NEK5: variants seen among roughly 807,000 people sequenced by gnomAD.
The protein encoded by NEK5 is NIMA related kinase 5.
A neutral mutation model predicts 109.2 loss-of-function variants in NEK5; 88 were observed. The ratio of observed to expected loss-of-function variants is 0.81; its 90% CI spans 0.68 to 0.96. The LOEUF (loss-of-function observed/expected upper bound fraction) is 0.96. Ranked by LOEUF, NEK5 falls within the 40% of genes least tolerant of loss-of-function variation. The pLI is 0.00. For synonymous variants in NEK5, 283 were observed against 299.9 expected (o/e 0.94, Z 0.58); for missense variants, 834 against 920.7 (o/e 0.91, Z 1.22).
intron 22 of NEK5, among the ~76,000 whole-genome samples, chr13:52,050,568 T>C (rs1487033014): frequency 1.3e-5 from 2 of 150,640 alleles, no homozygotes; most frequent in East Asian, 1.9e-4. Context: ...GACTTCATCA[T>C]GAATGCCTGT....
At chr13:52,099,142 AT>A (rs1312707131) in intron 12 of NEK5, among the ~76,000 whole-genome samples, 1 of 152,190 alleles carries the variant, frequency 6.6e-6, no homozygotes, top group East Asian at 1.9e-4. Context: ...CTTATTTCAC[AT>A]TGCTTGCCTG....
chr13:52,116,786 T>C (rs1955866690), intron 4 of NEK5, among the ~76,000 whole-genome samples: 1 of 152,230 alleles, frequency 6.6e-6, no homozygotes, highest in African/African-American at 2.4e-5. Flanking sequence ...ACCTAGAACA[T>C]GCCTGGCATA....
At chr13:52,104,126 AT>A (rs1459727299) in intron 9 of NEK5, among the ~76,000 whole-genome samples, 3 of 151,862 alleles carry the variant, frequency 2.0e-5, no homozygotes, top group Non-Finnish European at 1.5e-5. Flanking sequence ...TGCCTGGCTA[AT>A]TTTTGTATTT....
At chr13:52,107,588 A>G (rs1955678715) in intron 8 of NEK5, among the ~76,000 whole-genome samples, 1 of 151,394 alleles carries the variant, frequency 6.6e-6, no homozygotes, top group Non-Finnish European at 1.5e-5. Context: ...GCAAGACTCT[A>G]TCTCAAAAAA....
chr13:52,100,829 CAAT>C (rs373188992), intron 11 of NEK5, among the ~76,000 whole-genome samples: 14 of 152,294 alleles, frequency 9.2e-5, no homozygotes, highest in Non-Finnish European at 1.5e-4. Context: ...TGGTATACAA[CAAT>C]GTTAGTCAAA....
chr13:52,052,757 A>G (rs921394382), intron 22 of NEK5, among the ~76,000 whole-genome samples: 3 of 152,196 alleles, frequency 2.0e-5, no homozygotes, highest in Admixed American at 1.3e-4. Flanking sequence ...AATTTTTAAG[A>G]TGGGAAAGGC....
chr13:52,108,601 C>T (rs1955699018), intron 7 of NEK5, among the ~76,000 whole-genome samples, 197 bp from the exon 8 acceptor site: 2 of 151,982 alleles, frequency 1.3e-5, no homozygotes, highest in South Asian at 4.2e-4. Context: ...AATTCACCTC[C>T]CAAAAATTTA....
chr13:52,080,572 C>T (rs558697825), intron 17 of NEK5, among the ~76,000 whole-genome samples: 129 of 152,250 alleles, frequency 8.5e-4, no homozygotes, highest in Non-Finnish European at 1.6e-3. Context: ...CCTTGTGATC[C>T]TGTTGATCTG....
chr13:52,063,329 C>T (rs1185799633), intron 21 of NEK5, among the ~76,000 whole-genome samples: 1 of 152,246 alleles, frequency 6.6e-6, no homozygotes, highest in Non-Finnish European at 1.5e-5. Context: ...CCAGCCTCGG[C>T]CTCCCGAGGT....
intron 17 of NEK5, among the ~76,000 whole-genome samples, chr13:52,082,819 C>A (rs1463567804): frequency 1.3e-5 from 2 of 152,174 alleles, no homozygotes; most frequent in African/African-American, 4.8e-5. Flanking sequence ...GGGCCTCATC[C>A]CAGACCATCT....
chr13:52,079,894 G>A (rs953855720), intron 17 of NEK5, among the ~76,000 whole-genome samples: 6 of 151,360 alleles, frequency 4.0e-5, no homozygotes, highest in Admixed American at 3.3e-4. Flanking sequence ...GAGATGTGGG[G>A]AGCGCCTTTG....
At chr13:52,054,112 G>T (rs1386300483) in intron 22 of NEK5, among the ~76,000 whole-genome samples, 1 of 152,100 alleles carries the variant, frequency 6.6e-6, no homozygotes, top group African/African-American at 2.4e-5. Context: ...TAGTTTTTTG[G>T]TTTAATGAAA....
chr13:52,093,609 T>C (rs1955343999), intron 12 of NEK5, among the ~76,000 whole-genome samples: 1 of 152,036 alleles, frequency 6.6e-6, no homozygotes, highest in Non-Finnish European at 1.5e-5. Flanking sequence ...AATATAACAG[T>C]GACCATAGCT....
rs770949953 is a variant in NEK5, at chr13:52,104,525, T to C, written c.582A>G (p.Leu194=). The C allele has an allele frequency of 3.7e-6, 6 of 1,607,380 alleles. No homozygotes were observed. Among genetic ancestry groups the C allele is most frequent in the East Asian group, 2.2e-5 (1 of 44,758 alleles). The part of the protein sequence containing the change: ...KTDIWSLGCV[L]YELCTLKHPF... ...GATGTTTAAGTGTGCAGAGCTCATA[T>C]AAGACACAGCCAAGAGACCAAATAT... Residue 194 remains leucine, a synonymous_variant, in exon 9 of 24, where the codon TTA becomes TTG. Coordinates refer to ENST00000684899, the MANE Select transcript of NEK5 (RefSeq NM_001365552.1).
intron 23 of NEK5, among the ~76,000 whole-genome samples, 168 bp from the exon 24 acceptor site, chr13:52,037,386 T>C (rs1259709595): frequency 1.3e-5 from 2 of 152,182 alleles, no homozygotes; most frequent in Non-Finnish European, 2.9e-5. Context: ...GAATCAGTCT[T>C]CTGTTGAGTT....
chr13:52,063,271 C>T (rs1019850926), intron 21 of NEK5, among the ~76,000 whole-genome samples: 1 of 152,216 alleles, frequency 6.6e-6, no homozygotes, highest in Non-Finnish European at 1.5e-5. Flanking sequence ...GACGGGGTTT[C>T]GCTGTGTTGG....
Position 52,072,083 on chromosome 13 carries a change from C to T in NEK5, c.1723-13G>A, listed in dbSNP as rs779992581. The T allele has an allele frequency of 2.5e-6, 4 of 1,598,218 alleles. No individual in the cohort carries two copies. In the South Asian group the frequency reaches 3.4e-5, roughly 13 times the overall value. On this transcript the variant is annotated splice_polypyrimidine_tract_variant and intron_variant, in intron 19 of 23. Transcript: ENST00000684899. ...GTATATCCATTGCCTAAATCAATTC[C>T]ACAGTGTTTCATGATAAATTAGCCA... is the stretch of plus-strand genomic sequence containing the variant.
At chr13:52,099,995 C>T in intron 11 of NEK5, 119 bp from the exon 12 acceptor site, 1 of 741,482 alleles carries the variant, frequency 1.3e-6, no homozygotes, top group South Asian at 2.4e-5. Flanking sequence ...TACTTTTTAG[C>T]CAGAGATATT....
rs1342761523 is a variant in NEK5 at position 52,102,112 on chromosome 13, G to C, written c.790C>G (p.Pro264Ala). Residue 264 changes from proline (P) to alanine (A), a missense_variant, in exon 10 of 24, where the codon CCC becomes GCC. Pro to Ala is a conservative substitution (Grantham distance 27, BLOSUM62 -1). Coordinates refer to ENST00000684899, the MANE Select transcript of NEK5 (RefSeq NM_001365552.1). ...LKRPFLENLI[P>A]KYLTPEVIQE... ...CTTACCTCAGGAGTCAAATATTTGG[G>C]AATAAGATTCTCTAAAAAGGGCCTT... 6 of 1,613,780 alleles carry C rather than the reference G, an allele frequency of 3.7e-6. No homozygotes were observed. Among genetic ancestry groups the C allele is most frequent in the Non-Finnish European group, 5.1e-6 (6 of 1,179,868 alleles).
Sources: gnomAD v4.1 joint callset for allele counts (sites outside exome capture counted in the v4.1 genomes callset) on GRCh38, gnomAD v4.1.1 for gene constraint, MANE v1.5 for transcripts, NCBI Gene and HGNC (gene_info 2026-07-23, HGNC 2026-07-21) for gene names.